The following MAP2 variants were observed in gnomAD, a reference collection of about 807,000 sequenced individuals.
MAP2 encodes the protein microtubule associated protein 2.
MAP2 carries 14 observed loss-of-function variants against 137.6 expected under a neutral mutation model. That is an observed-to-expected ratio of 0.10 (90% confidence interval 0.07 to 0.16). The LOEUF (loss-of-function observed/expected upper bound fraction) is 0.16. Among genes scored for constraint, MAP2 ranks in the 10% least tolerant of loss-of-function variants. The probability of loss-of-function intolerance (pLI) is 1.00; values close to 1 mark genes in which losing one functional copy is unlikely to be tolerated. For synonymous variants in MAP2, 786 were observed against 782.3 expected (o/e 1.00, Z -0.08); for missense variants, 2,088 against 2,191.5 (o/e 0.95, Z 0.94).
intron 2 of MAP2, among the ~76,000 whole-genome samples, chr2:209,513,824 G>A (rs1406597743): frequency 3.9e-5 from 6 of 151,966 alleles, no homozygotes; most frequent in Non-Finnish European, 8.8e-5. Context: ...CAAATGAGGA[G>A]GGATAGCAAG....
In MAP2 at chr2:209,732,309, G is replaced by GTCT. The variant is rs2075876451; in HGVS notation, c.*1913_*1914insCTT. On this transcript the variant is annotated 3_prime_UTR_variant, in exon 16 of 16. Coordinates refer to ENST00000682079, the MANE Select transcript of MAP2 (RefSeq NM_001375505.1). ...TGACCCAGTGGATATGGCAACCAGT[G>GTCT]TAACTGCCATACAAGAAACCCTAGG... The GTCT allele has an allele frequency of 6.6e-6, 1 of 152,188 alleles. No homozygotes were observed. The highest frequency in any genetic ancestry group is 2.1e-4 in the South Asian group (1 of 4,828). 9.4% of individuals were successfully genotyped at this position (152,188 alleles called of 1,614,324 possible). A position where few individuals can be genotyped will look rare whatever the true frequency, so the allele number is the denominator to read the frequency against.
Position 209,644,670 on chromosome 2 carries a change from C to CAA in MAP2, c.-29-8452_-29-8451dup, listed in dbSNP as rs68166330. The stretch of plus-strand genomic sequence containing the variant: ...TGGGCAACGACGTGGGACCCTGTCT[C>CAA]AAAAAAAAAAAAAAAAAAAAAGACA... On this transcript the variant is annotated intron_variant, in intron 4 of 15. Transcript: ENST00000682079. 8.3e-3 allele frequency among the ~76,000 whole-genome samples: 564 copies of CAA among 68,252 alleles called. 5 individuals carry two copies. Among genetic ancestry groups the CAA allele is most frequent in the African/African-American group, 0.021 (517 of 24,554 alleles). 44.8% of individuals were successfully genotyped at this position (68,252 alleles called of 152,430 possible). A position where few individuals can be genotyped will look rare whatever the true frequency, so the allele number is the denominator to read the frequency against.
chr2:209,670,031 T>C (rs2048111089), intron 5 of MAP2, among the ~76,000 whole-genome samples: 3 of 152,006 alleles, frequency 2.0e-5, no homozygotes, highest in Admixed American at 2.0e-4. Flanking sequence ...AGTAGTACAA[T>C]TGTAACAGTT....
At chr2:209,577,754 G>C (rs2075582537) in intron 2 of MAP2, among the ~76,000 whole-genome samples, 1 of 152,046 alleles carries the variant, frequency 6.6e-6, no homozygotes, top group Admixed American at 6.6e-5. Flanking sequence ...GAAATAATGA[G>C]GCCAGTAATG....
At chr2:209,700,010 G>C (rs1338227589) in intron 10 of MAP2, among the ~76,000 whole-genome samples, 4 of 152,126 alleles carry the variant, frequency 2.6e-5, no homozygotes, top group Non-Finnish European at 5.9e-5. Context: ...AGATACATTG[G>C]TAATCAATAG....
chr2:209,567,935 C>T (rs1288575838), intron 2 of MAP2, among the ~76,000 whole-genome samples: 1 of 151,936 alleles, frequency 6.6e-6, no homozygotes, highest in Non-Finnish European at 1.5e-5. Flanking sequence ...CATCTAAGTT[C>T]CTGTTTCTTT....
intron 13 of MAP2, among the ~76,000 whole-genome samples, chr2:209,724,098 C>A (rs2072769395): frequency 1.3e-5 from 2 of 152,166 alleles, no homozygotes; most frequent in Admixed American, 1.3e-4. Context: ...GACTGATATA[C>A]TTGTAAATGC....
In MAP2 at chr2:209,712,393, C is replaced by A. The variant is rs1416185952; in HGVS notation, c.5073+2139C>A. 2.0e-5 allele frequency among the ~76,000 whole-genome samples: 3 copies of A among 152,064 alleles called. No individual in the cohort carries two copies. The East Asian group carries it at 5.8e-4, about 29-fold the overall frequency. On this transcript the variant is annotated intron_variant, in intron 13 of 15. Transcript: ENST00000682079. Reference sequence around the variant, plus strand: ...AAAAATAGCTTCAAAATCACAGTGTCATTTGAAGCAAATATGTTTTTATCA... The same window carrying A: ...AAAAATAGCTTCAAAATCACAGTGTAATTTGAAGCAAATATGTTTTTATCA...
At position 209,705,634 on chromosome 2, in the gene MAP2, A is replaced by G. The variant is rs988612740; in HGVS notation, c.4639A>G (p.Ile1547Val). 1 of 1,613,018 alleles carries G rather than the reference A, an allele frequency of 6.2e-7. No individual in the cohort carries two copies. The highest frequency in any genetic ancestry group is 1.3e-5 in the African/African-American group (1 of 74,880). Reference protein sequence around the residue: ...KRSSLPRPSSILPPRRGVSGD... With the variant: ...KRSSLPRPSSVLPPRRGVSGD... ...CTCTTCTCTCCCAAGACCTTCCTCC[A>G]TTCTCCCTCCTCGGCGAGGTGTGTC... Residue 1547 changes from isoleucine (I) to valine (V), a missense_variant, in exon 12 of 16, where the codon ATT (isoleucine) becomes GTT (valine). Physicochemically the swap from Ile to Val is conservative, Grantham distance 29. Coordinates refer to ENST00000682079, the MANE Select transcript of MAP2 (RefSeq NM_001375505.1).
Position 209,642,623 on chromosome 2 carries a change from A to G in MAP2, c.-29-10519A>G, listed in dbSNP as rs559932343. On this transcript the variant is annotated intron_variant, in intron 4 of 15. Coordinates refer to ENST00000682079, the MANE Select transcript of MAP2 (RefSeq NM_001375505.1). ...TGCACCCACCAGCTCTCTTCTTTCTAATTGTTTATTAGTCATGGTATGTGA... is the reference window on the plus strand; with the variant it reads ...TGCACCCACCAGCTCTCTTCTTTCTGATTGTTTATTAGTCATGGTATGTGA... 2.6e-5 allele frequency among the ~76,000 whole-genome samples: 4 copies of G among 152,242 alleles called. No individual in the cohort carries two copies. In the South Asian group the frequency reaches 6.2e-4, roughly 24 times the overall value.
chr2:209,711,344 C>T (rs755247092), intron 13 of MAP2, among the ~76,000 whole-genome samples: 11 of 152,110 alleles, frequency 7.2e-5, no homozygotes, highest in Non-Finnish European at 2.9e-5. Flanking sequence ...TCCTACTCAC[C>T]AATGAAGCAA....
chr2:209,605,887 C>T (rs1288185373), intron 3 of MAP2, among the ~76,000 whole-genome samples: 1 of 152,094 alleles, frequency 6.6e-6, no homozygotes, highest in East Asian at 1.9e-4. Context: ...AGTGGTATCC[C>T]ATTTGTGTTG....
intron 1 of MAP2, among the ~76,000 whole-genome samples, chr2:209,450,599 A>G (rs746345094): frequency 2.3e-4 from 35 of 152,228 alleles, no homozygotes; most frequent in Non-Finnish European, 4.4e-4. Flanking sequence ...CTTTTGTTCA[A>G]GTATATTTAT....
intron 3 of MAP2, among the ~76,000 whole-genome samples, chr2:209,593,892 A>G (rs1355347100): frequency 2.9e-5 from 1 of 35,028 alleles, no homozygotes; most frequent in Non-Finnish European, 6.4e-5. Flanking sequence ...TATTTATATT[A>G]TTAAAATATA....
chr2:209,545,919 T>C (rs1166192330), intron 2 of MAP2, among the ~76,000 whole-genome samples: 4 of 152,166 alleles, frequency 2.6e-5, no homozygotes, highest in African/African-American at 4.8e-5. Context: ...GGCGGGCGGA[T>C]CATGAGGTCA....
At chr2:209,685,875 TG>T (rs1189155946) in intron 7 of MAP2, among the ~76,000 whole-genome samples, 2 of 152,174 alleles carry the variant, frequency 1.3e-5, no homozygotes, top group African/African-American at 4.8e-5. Context: ...CAATGAGTAT[TG>T]CCTTTACTCT....
intron 5 of MAP2, among the ~76,000 whole-genome samples, chr2:209,663,983 T>C (rs191727690): frequency 2.0e-5 from 3 of 152,342 alleles, no homozygotes; most frequent in Admixed American, 2.0e-4. Context: ...AATCTACCAT[T>C]AAAGATAAAG....
intron 3 of MAP2, among the ~76,000 whole-genome samples, chr2:209,593,815 A>G (rs1302903842): frequency 1.9e-3 from 166 of 86,738 alleles, no homozygotes; most frequent in African/African-American, 6.9e-3. Context: ...ATAATATAAT[A>G]TAATACATTA....
intron 2 of MAP2, among the ~76,000 whole-genome samples, chr2:209,537,755 C>G (rs1401657120): frequency 2.0e-5 from 3 of 152,192 alleles, no homozygotes; most frequent in Admixed American, 6.5e-5. Context: ...AGTGAAGACT[C>G]TCTCACTGAT....
Sources: allele counts gnomAD v4.1 joint callset (sites outside exome capture counted in the v4.1 genomes callset), GRCh38; gene constraint gnomAD v4.1.1; transcripts MANE v1.5; gene names NCBI Gene and HGNC (gene_info 2026-07-23, HGNC 2026-07-21).